The following L3MBTL3 variants were observed in gnomAD, a reference collection of about 807,000 sequenced individuals.
The protein encoded by L3MBTL3 is lethal(3)malignant brain tumor-like protein 3.
In L3MBTL3, 27 loss-of-function variants were observed where a neutral mutation model predicts 102.3. That is an observed-to-expected ratio of 0.26 (90% CI 0.19 to 0.36). The LOEUF (loss-of-function observed/expected upper bound fraction) is 0.36, where lower values mean the gene tolerates loss of function less well. Ranked by LOEUF, L3MBTL3 falls within the 10% of genes least tolerant of loss-of-function variation. L3MBTL3 has a pLI of 1.00. For missense variants in L3MBTL3, 798 were observed against 955.3 expected (o/e 0.84, Z 2.17); for synonymous variants, 340 against 320.9 (o/e 1.06, Z -0.64).
rs1181714937 is a variant in L3MBTL3 at position 130,120,974 on chromosome 6, C to A, written c.1966+16C>A. On this transcript the variant is annotated intron_variant, in intron 20 of 22. Transcript: ENST00000361794. ...GAAGCCAGAGGTAGCCATAATAATTCTCATATTACTAATGTGTATTACTGC... is the reference window on the plus strand; with the variant it reads ...GAAGCCAGAGGTAGCCATAATAATTATCATATTACTAATGTGTATTACTGC... The A allele has an allele frequency of 1.3e-6, 2 of 1,523,956 alleles. No individual in the cohort carries two copies. Among genetic ancestry groups the A allele is most frequent in the East Asian group, 2.3e-5 (1 of 44,328 alleles). The allele number at this position is 1,523,956 out of a possible 1,614,324, so 94.4% of individuals were successfully genotyped here.
intron 18 of L3MBTL3, among the ~76,000 whole-genome samples, chr6:130,097,836 G>A (rs1256393080): frequency 6.6e-6 from 1 of 152,144 alleles, no homozygotes; most frequent in Non-Finnish European, 1.5e-5. Flanking sequence ...GGGAGGCCAA[G>A]GCAGGCAAAT....
At chr6:130,089,839 C>CAAA (rs35333288) in intron 16 of L3MBTL3, among the ~76,000 whole-genome samples, 113 of 146,334 alleles carry the variant, frequency 7.7e-4, no homozygotes, top group Middle Eastern at 3.5e-3. Flanking sequence ...TTTTTCACAG[C>CAAA]AAAAAAAAAA....
At chr6:130,082,723 G>A (rs545330513) in intron 14 of L3MBTL3, among the ~76,000 whole-genome samples, 3 of 152,152 alleles carry the variant, frequency 2.0e-5, no homozygotes, top group Non-Finnish European at 2.9e-5. Flanking sequence ...TGAACACTAA[G>A]TGTGCTTATT....
chr6:130,070,017 A>G (rs1346094343), intron 12 of L3MBTL3, among the ~76,000 whole-genome samples: 1 of 152,236 alleles, frequency 6.6e-6, no homozygotes, highest in African/African-American at 2.4e-5. Context: ...TTGTATAATT[A>G]TAGTAAAATG....
At chr6:130,094,148 T>TA in intron 17 of L3MBTL3, 117 bp from the exon 18 acceptor site, 1 of 621,276 alleles carries the variant, frequency 1.6e-6, no homozygotes, top group Non-Finnish European at 2.7e-6. Context: ...GTATGTTGGT[T>TA]AAAAAATTGG....
intron 19 of L3MBTL3, among the ~76,000 whole-genome samples, chr6:130,105,480 A>G (rs907642929): frequency 2.0e-5 from 3 of 152,046 alleles, no homozygotes; most frequent in Non-Finnish European, 4.4e-5. Flanking sequence ...ACATAAACTC[A>G]TTTACCAAAT....
rs1056018902 is a variant in L3MBTL3 at position 130,133,719 on chromosome 6, T to C, written c.2136+98T>C. 2.9e-5 allele frequency: 43 copies of C among 1,504,270 alleles called. No homozygotes were observed. Among genetic ancestry groups the C allele is most frequent in the African/African-American group, 2.4e-4 (17 of 71,628 alleles). The allele number at this position is 1,504,270 out of a possible 1,614,324, so 93.2% of individuals were successfully genotyped here. A position where few individuals can be genotyped will look rare whatever the true frequency, so the allele number is the denominator to read the frequency against. ...GTAGGTAGCGTTTAGTCTTTTTTTTTCTGAAAGAGAAGAAATTATTGTGAG... is the reference window on the plus strand; with the variant it reads ...GTAGGTAGCGTTTAGTCTTTTTTTTCCTGAAAGAGAAGAAATTATTGTGAG... On this transcript the variant is annotated intron_variant, in intron 21 of 22. Transcript: ENST00000361794. This position sits in a 1 kb window ranked among gnomAD's most constrained non-coding sequence, Gnocchi z 4.9.
chr6:130,125,106 C>G (rs1786507879), intron 20 of L3MBTL3, among the ~76,000 whole-genome samples: 1 of 152,142 alleles, frequency 6.6e-6, no homozygotes, highest in African/African-American at 2.4e-5. Context: ...TGCTTAGATG[C>G]TGGATCTTGG....
rs771544641 is a variant in L3MBTL3 at position 130,051,217 on chromosome 6, T to C, written c.290-32T>C. On this transcript the variant is annotated intron_variant, in intron 5 of 22. Transcript: ENST00000361794. ...ATTTTAGAATGTCTTCTGTCATGGT[T>C]GTAATTTGCATTTCTTCTTTTCATC... is the stretch of plus-strand genomic sequence containing the variant. 1.9e-6 allele frequency: 3 copies of C among 1,575,750 alleles called. No individual in the cohort carries two copies. The South Asian group carries it at 3.4e-5, about 18-fold the overall frequency.
At chr6:130,099,481 T>G (rs1230558470) in intron 18 of L3MBTL3, among the ~76,000 whole-genome samples, 1 of 152,142 alleles carries the variant, frequency 6.6e-6, no homozygotes, top group Non-Finnish European at 1.5e-5. Flanking sequence ...ATATGCAGTT[T>G]TAGAAGTTAA....
intron 2 of L3MBTL3, among the ~76,000 whole-genome samples, chr6:130,037,330 A>T (rs373852494): frequency 6.6e-6 from 1 of 152,200 alleles, no homozygotes; most frequent in African/African-American, 2.4e-5. Context: ...AGATTTTACC[A>T]GAAAAAACAG....
Position 130,031,114 on chromosome 6 carries a change from T to C in L3MBTL3, c.-16+8809T>C, listed in dbSNP as rs555055073. 3.9e-5 allele frequency among the ~76,000 whole-genome samples: 6 copies of C among 152,238 alleles called. No individual in the cohort carries two copies. The East Asian group carries it at 1.2e-3, about 29-fold the overall frequency. The stretch of plus-strand genomic sequence containing the variant: ...GTCATCACAAACTAAATCTGAGAGC[T>C]GTAGGGAGGTCTTAGGAGACAGGGG... On this transcript the variant is annotated intron_variant, in intron 2 of 22. Coordinates refer to ENST00000361794, the MANE Select transcript of L3MBTL3 (RefSeq NM_032438.4).
intron 12 of L3MBTL3, among the ~76,000 whole-genome samples, chr6:130,069,843 TACC>T (rs1782511882): frequency 6.6e-6 from 1 of 152,212 alleles, no homozygotes; most frequent in South Asian, 2.1e-4. Flanking sequence ...ATTTCTAGAT[TACC>T]TCAGAATACT....
At chr6:130,138,483 C>T (rs888766557) in intron 22 of L3MBTL3, 1 of 152,212 alleles carries the variant, frequency 6.6e-6, no homozygotes, top group African/African-American at 2.4e-5. Context: ...GTCTCTTTCT[C>T]CAGATCTCTC....
chr6:130,055,814 T>G (rs2114840110), intron 8 of L3MBTL3, among the ~76,000 whole-genome samples: 1 of 151,724 alleles, frequency 6.6e-6, no homozygotes, highest in Non-Finnish European at 1.5e-5. Flanking sequence ...TAATGTTCCC[T>G]CTCAAAACAT....
intron 18 of L3MBTL3, among the ~76,000 whole-genome samples, chr6:130,101,214 CAG>C (rs1784665483): frequency 6.6e-6 from 1 of 152,174 alleles, no homozygotes; most frequent in East Asian, 1.9e-4. Context: ...TTGTCATAAA[CAG>C]AGTCAGGAAC....
intron 2 of L3MBTL3, among the ~76,000 whole-genome samples, chr6:130,039,047 A>G (rs1447696591): frequency 2.0e-5 from 3 of 152,130 alleles, no homozygotes; most frequent in Non-Finnish European, 4.4e-5. Flanking sequence ...TATATTATAT[A>G]TGTAAGGAGA....
chr6:130,060,182 A>C, intron 10 of L3MBTL3, 42 bp downstream of exon 10: 1 of 1,214,350 alleles, frequency 8.2e-7, no homozygotes. Flanking sequence ...TAAAATGGTG[A>C]TTATGGGGAT....
chr6:130,093,334 G>A (rs527734540), intron 17 of L3MBTL3, among the ~76,000 whole-genome samples: 2 of 152,186 alleles, frequency 1.3e-5, no homozygotes, highest in South Asian at 4.1e-4. Flanking sequence ...TTTAGAAAAG[G>A]TACGTGGAGA....
Sources: allele counts gnomAD v4.1 joint callset (sites outside exome capture counted in the v4.1 genomes callset), GRCh38; gene constraint gnomAD v4.1.1; non-coding constraint Gnocchi (gnomAD v3.1); transcripts MANE v1.5; gene names NCBI Gene and HGNC (gene_info 2026-07-23, HGNC 2026-07-21).